SYNPO: variants seen among roughly 807,000 people sequenced by gnomAD.
SYNPO encodes synaptopodin.
Under a neutral mutation model 49.5 loss-of-function variants are expected in SYNPO, and 19 were observed. The ratio of observed to expected loss-of-function variants is 0.38; its 90% CI spans 0.27 to 0.56. The LOEUF (loss-of-function observed/expected upper bound fraction) is 0.56, where lower values mean the gene tolerates loss of function less well. SYNPO is among the 20% of genes least tolerant of loss of function. The pLI is 0.68. For missense variants in SYNPO, 1,131 were observed against 1,248.3 expected (o/e 0.91, Z 1.42); for synonymous variants, 536 against 548.0 (o/e 0.98, Z 0.31).
the SYNPO span, among the ~76,000 whole-genome samples, chr5:150,594,680 T>C: frequency 6.6e-6 from 1 of 152,194 alleles, no homozygotes; most frequent in Admixed American, 6.5e-5. Flanking sequence ...CATCAAGTCT[T>C]TCAGTTCACG....
chr5:150,608,382 C>A (rs1756751333), intron 1 of SYNPO: 2 of 152,214 alleles, frequency 1.3e-5, no homozygotes, highest in African/African-American at 4.8e-5. Flanking sequence ...CAGCTGGGTA[C>A]CACATGAAGT....
chr5:150,628,038 G>C (rs1021117780), intron 2 of SYNPO, among the ~76,000 whole-genome samples: 8 of 112,672 alleles, frequency 7.1e-5, no homozygotes, highest in South Asian at 2.7e-4. Flanking sequence ...GTGTGTTTCT[G>C]TGTGTGTGTG....
chr5:150,593,670 G>A, the SYNPO span, among the ~76,000 whole-genome samples: 1 of 152,196 alleles, frequency 6.6e-6, no homozygotes, highest in East Asian at 1.9e-4. Context: ...TCACTGCCCA[G>A]GCTGGTCTTG....
upstream of SYNPO, among the ~76,000 whole-genome samples, chr5:150,639,921 G>A (rs1353816000): frequency 4.0e-5 from 6 of 150,902 alleles, no homozygotes; most frequent in Non-Finnish European, 1.5e-5. Context: ...CTGGGAGGGG[G>A]CAGCATGGCC....
chr5:150,642,376 G>C (rs1453507605), intron 1 of SYNPO, among the ~76,000 whole-genome samples: 1 of 152,218 alleles, frequency 6.6e-6, no homozygotes, highest in East Asian at 1.9e-4. Context: ...GGTCTTTAAA[G>C]GGCTAGCACC....
Position 150,648,348 on chromosome 5 carries a change from C to T in SYNPO, c.73C>T (p.Pro25Ser), listed in dbSNP as rs780484672. 1.9e-6 allele frequency: 3 copies of T among 1,614,192 alleles called. No homozygotes were observed. The highest frequency in any genetic ancestry group is 2.5e-6 in the Non-Finnish European group (3 of 1,180,030). Reference protein sequence around the residue: ...EKVASEEEEVPLVVYLKENAA... With the variant: ...EKVASEEEEVSLVVYLKENAA... ...GGTGGCCAGTGAGGAGGAAGAGGTACCACTGGTGGTTTATCTAAAGGAGAA... is the reference window on the plus strand; with the variant it reads ...GGTGGCCAGTGAGGAGGAAGAGGTATCACTGGTGGTTTATCTAAAGGAGAA... The change falls in exon 2 of 3, where the codon CCA (proline) becomes TCA (serine). Residue 25 changes from proline to serine, a missense_variant. Pro to Ser is a moderately conservative substitution (Grantham distance 74, BLOSUM62 -1). Transcript: ENST00000307662. The surrounding 1 kb of genome is among the most constrained non-coding windows in gnomAD (Gnocchi z 5.0).
chr5:150,622,260 GTGGAGGAGCTGAGATTTGA>G (rs1262354453), intron 2 of SYNPO, among the ~76,000 whole-genome samples: 1 of 152,250 alleles, frequency 6.6e-6, no homozygotes, highest in Non-Finnish European at 1.5e-5. Context: ...CAGCCTGTGG[GTGGAGGAGCTGAGATTTGA>G]ACCCCAGGAG....
chr5:150,611,179 A>G (rs903065660), intron 1 of SYNPO, among the ~76,000 whole-genome samples: 1 of 152,212 alleles, frequency 6.6e-6, no homozygotes, highest in Non-Finnish European at 1.5e-5. Context: ...ATTTAACACC[A>G]TCTGACATAC....
rs1380025347 is a variant in SYNPO, at chr5:150,648,196, G to T, written c.-80G>T. On this transcript the variant is annotated 5_prime_UTR_variant, in exon 2 of 3. Transcript: ENST00000307662. This position sits in a 1 kb window ranked among gnomAD's most constrained non-coding sequence, Gnocchi z 5.0. ...GGCCATGCACCGGGGCTCAGCCTGA[G>T]TTCCACCTCGCTGCCGGAGCCAGGC... 2.5e-6 allele frequency: 4 copies of T among 1,588,604 alleles called. No individual in the cohort carries two copies. In the African/African-American group the frequency reaches 5.4e-5, roughly 21 times the overall value.
At chr5:150,647,062 G>C (rs1758121537) in intron 1 of SYNPO, among the ~76,000 whole-genome samples, 2 of 152,028 alleles carry the variant, frequency 1.3e-5, no homozygotes, top group Admixed American at 1.3e-4. Flanking sequence ...GGCCTACATG[G>C]TGAAACCCCA....
chr5:150,637,314 T>C (rs951625231), upstream of SYNPO, among the ~76,000 whole-genome samples: 48 of 152,238 alleles, frequency 3.2e-4, no homozygotes, highest in Non-Finnish European at 2.9e-5. Context: ...ACCTTTCTTT[T>C]TGAGGCTCAG....
exon 2 of SYNPO, chr5:150,618,501 G>A: frequency 6.4e-7 from 1 of 1,551,434 alleles, no homozygotes; most frequent in Non-Finnish European, 8.7e-7. Context: ...GGTGAGGAGG[G>A]CCTGCAGGGA....
chr5:150,644,268 C>T (rs1758012559), intron 1 of SYNPO, among the ~76,000 whole-genome samples: 1 of 152,066 alleles, frequency 6.6e-6, no homozygotes, highest in Non-Finnish European at 1.5e-5. Flanking sequence ...GGGGAGTGAG[C>T]TCGTCACCTG....
Position 150,657,432 on chromosome 5 carries a change from TCACA to T in SYNPO, c.*387_*390del, listed in dbSNP as rs58828199. On this transcript the variant is annotated 3_prime_UTR_variant, in exon 3 of 3. Transcript: ENST00000307662. ...CTCTCTCTTTCTCTCTCTCTCTCTCTCACACACACACACACACACACACACACAC... is the reference window on the plus strand; with the variant it reads ...CTCTCTCTTTCTCTCTCTCTCTCTCTCACACACACACACACACACACACAC... The T allele has an allele frequency of 0.3, 42,000 of 139,058 alleles. 6,975 individuals are homozygous for T. The highest frequency in any genetic ancestry group is 0.38 in the Non-Finnish European group (25,430 of 66,344). 8.6% of individuals were successfully genotyped at this position (139,058 alleles called of 1,614,324 possible). A position where few individuals can be genotyped will look rare whatever the true frequency, so the allele number is the denominator to read the frequency against.
chr5:150,645,605 GA>G (rs1455260522), intron 1 of SYNPO, among the ~76,000 whole-genome samples: 1 of 152,130 alleles, frequency 6.6e-6, no homozygotes, highest in East Asian at 1.9e-4. Flanking sequence ...ACTGAACCCC[GA>G]CCCATGATGA....
intron 1 of SYNPO, among the ~76,000 whole-genome samples, chr5:150,645,270 C>T (rs1255335112): frequency 1.1e-4 from 17 of 152,134 alleles, no homozygotes; most frequent in Admixed American, 1.1e-3. Flanking sequence ...CATGCCATGG[C>T]CAGTGCTAAT....
chr5:150,656,441 C>A lies in SYNPO; in HGVS notation c.2066C>A (p.Thr689Lys). ...AGCCTGCCCACCTCCCCACCCTGGA[C>A]GCCGGGCGCGTCCCGGCCCCCCAGC... Reference protein sequence around the residue: ...RESLPTSPPWTPGASRPPSSL... With the variant: ...RESLPTSPPWKPGASRPPSSL... The change falls in exon 3 of 3, where the codon ACG (threonine) becomes AAG (lysine). Residue 689 changes from threonine to lysine, a missense_variant. Thr to Lys is a moderately conservative substitution (Grantham distance 78, BLOSUM62 -1). Around this residue, in one of 4 missense-constraint regions of SYNPO, gnomAD observed 509 missense variants for 484.5 expected, o/e 1.05. Coordinates refer to ENST00000307662, the MANE Select transcript of SYNPO (RefSeq NM_007286.6). 6.5e-7 allele frequency: 1 copy of A among 1,531,956 alleles called. No homozygotes were observed. Among genetic ancestry groups the A allele is most frequent in the South Asian group, 1.2e-5 (1 of 83,646 alleles). 94.9% of individuals were successfully genotyped at this position (1,531,956 alleles called of 1,614,324 possible). A position where few individuals can be genotyped will look rare whatever the true frequency, so the allele number is the denominator to read the frequency against.
At chr5:150,613,076 G>T (rs1201083858) in intron 1 of SYNPO, among the ~76,000 whole-genome samples, 1 of 152,190 alleles carries the variant, frequency 6.6e-6, no homozygotes, top group Admixed American at 6.5e-5. Context: ...ACTGGTCCTG[G>T]CCTGTTGCTT....
chr5:150,621,296 GT>G (rs1250090423), intron 2 of SYNPO, among the ~76,000 whole-genome samples: 1 of 152,118 alleles, frequency 6.6e-6, no homozygotes, highest in Non-Finnish European at 1.5e-5. Context: ...ATCCAGTTCT[GT>G]CCTAGAATAT....
Sources: allele counts gnomAD v4.1 joint callset (sites outside exome capture counted in the v4.1 genomes callset), GRCh38; gene constraint gnomAD v4.1.1; regional missense constraint gnomAD v4.1.1; non-coding constraint Gnocchi (gnomAD v3.1); transcripts MANE v1.5; gene names NCBI Gene and HGNC (gene_info 2026-07-23, HGNC 2026-07-21).